The following NFKBIA variants were observed in gnomAD, a reference collection of about 807,000 sequenced individuals.
The protein encoded by NFKBIA is NFKB inhibitor alpha, also known as NF-kappa-B inhibitor alpha.
Under a neutral mutation model 36.3 loss-of-function variants are expected in NFKBIA, and 10 were observed. The ratio of observed to expected loss-of-function variants is 0.28; its 90% CI spans 0.17 to 0.47. The LOEUF is 0.47. Among genes scored for constraint, NFKBIA ranks in the 20% least tolerant of loss-of-function variants. The pLI is 0.99. For missense variants in NFKBIA, 355 were observed against 399.3 expected (o/e 0.89, Z 0.94); for synonymous variants, 205 against 164.4 (o/e 1.25, Z -1.89).
In NFKBIA at chr14:35,403,664, G is replaced by A. The variant is rs766136228; in HGVS notation, c.336+26C>T. ...ATCAGCTACGTCCCAGGGTCAGAGAGAACCCGGGCCAGGCAAGCGGCGCAC... is the reference window on the plus strand; with the variant it reads ...ATCAGCTACGTCCCAGGGTCAGAGAAAACCCGGGCCAGGCAAGCGGCGCAC... On this transcript the variant is annotated intron_variant, in intron 2 of 5. Coordinates refer to ENST00000216797, the MANE Select transcript of NFKBIA (RefSeq NM_020529.3). 3.2e-6 allele frequency: 5 copies of A among 1,552,016 alleles called. No individual in the cohort carries two copies. The East Asian group carries it at 1.1e-4, about 35-fold the overall frequency.
Position 35,402,516 on chromosome 14 carries a change from T to C in NFKBIA, c.784A>G (p.Ser262Gly), listed in dbSNP as rs2138830573. 6.2e-7 allele frequency: 1 copy of C among 1,614,214 alleles called. No individual in the cohort carries two copies. The highest frequency in any genetic ancestry group is 1.1e-5 in the South Asian group (1 of 91,086). Reference protein sequence around the residue: ...SPYQLTWGRPSTRIQQQLGQL... With the variant: ...SPYQLTWGRPGTRIQQQLGQL... ...CCCAGCTGCTGCTGTATCCGGGTGCTTGGGCGGCCCCAGGTGAGCTGGTAG... is the reference window on the plus strand; with the variant it reads ...CCCAGCTGCTGCTGTATCCGGGTGCCTGGGCGGCCCCAGGTGAGCTGGTAG... The change falls in exon 5 of 6, where the codon AGC (serine) becomes GGC (glycine). Residue 262 changes from serine to glycine, a missense_variant. By Grantham distance (56) the Ser-to-Gly change is moderately conservative. Coordinates refer to ENST00000216797, the MANE Select transcript of NFKBIA (RefSeq NM_020529.3).
chr14:35,402,417 ACT>A lies in NFKBIA; in HGVS notation c.881_882del (p.Glu294ValfsTer12). 6.2e-7 allele frequency: 1 copy of A among 1,614,050 alleles called. No individual in the cohort carries two copies. Among genetic ancestry groups the A allele is most frequent in the Non-Finnish European group, 8.5e-7 (1 of 1,179,996 alleles). On this transcript the variant is annotated frameshift_variant, in exon 5 of 6. Coordinates refer to ENST00000216797, the MANE Select transcript of NFKBIA (RefSeq NM_020529.3). LOFTEE classifies it high-confidence loss of function. ...EDEESYDTESEFTEFTEDELP... is the reference protein window; with the variant it reads ...EDEESYDTESXFTEFTEDELP... Reference sequence around the variant, plus strand: ...ACCTCGTCCTCTGTGAACTCCGTGAACTCTGACTCTGTGTCATAGCTCTCCTC... The same window carrying A: ...ACCTCGTCCTCTGTGAACTCCGTGAACTGACTCTGTGTCATAGCTCTCCTC...
At position 35,402,592 on chromosome 14, in the gene NFKBIA, C is replaced by A. The variant is rs1566590031; in HGVS notation, c.708G>T (p.Leu236=). The change falls in exon 5 of 6, where the codon CTG becomes CTT. Residue 236 remains leucine (L), a synonymous_variant. Transcript: ENST00000216797. ...TGTTGACATCAGCCCCACACTTCAA[C>A]AGGAGTGACACCAGGTCAGGATTTT... The part of the protein sequence containing the change: ...DLQNPDLVSL[L]LKCGADVNRV... 3 of 1,614,254 alleles carry A rather than the reference C, an allele frequency of 1.9e-6. No individual in the cohort carries two copies. The highest frequency in any genetic ancestry group is 3.3e-4 in the Middle Eastern group (2 of 6,062).
chr14:35,402,073 G>C lies in NFKBIA; in HGVS notation c.907-13C>G, dbSNP rs1378258581. ...CATCATAGGGCAGCTGAAAACAAGG[G>C]GAAAAAAGACACGTTAAGCTTCCGG... On this transcript the variant is annotated splice_polypyrimidine_tract_variant and intron_variant, in intron 5 of 5. Coordinates refer to ENST00000216797, the MANE Select transcript of NFKBIA (RefSeq NM_020529.3). 6.2e-7 allele frequency: 1 copy of C among 1,613,932 alleles called. No homozygotes were observed. Among genetic ancestry groups the C allele is most frequent in the Non-Finnish European group, 8.5e-7 (1 of 1,179,990 alleles).
At chr14:35,403,129 A>G in intron 3 of NFKBIA, 21 bp downstream of exon 3, 1 of 1,605,026 alleles carries the variant, frequency 6.2e-7, no homozygotes. Flanking sequence ...GGGGTGGGGC[A>G]GGGCAGGGAG....
Position 35,403,330 on chromosome 14 carries a change from G to C in NFKBIA, c.367C>G (p.Gln123Glu). 6.2e-7 allele frequency: 1 copy of C among 1,614,078 alleles called. No homozygotes were observed. The highest frequency in any genetic ancestry group is 1.7e-5 in the Admixed American group (1 of 60,026). Residue 123 changes from glutamine to glutamate, a missense_variant, in exon 3 of 6, where the codon CAG becomes GAG. By Grantham distance (29) the Gln-to-Glu change is conservative. Coordinates refer to ENST00000216797, the MANE Select transcript of NFKBIA (RefSeq NM_020529.3). ...TPLHLAVITN[Q>E]PEIAEALLGA... is the part of the protein sequence containing the mutation. ...AGAAGTGCCTCAGCAATTTCTGGCT[G>C]GTTGGTGATCACAGCCAAGTGGAGT...
chr14:35,403,479 G>T, intron 2 of NFKBIA, 119 bp from the exon 3 acceptor site: 1 of 1,143,458 alleles, frequency 8.7e-7, no homozygotes, highest in Non-Finnish European at 1.3e-6. Context: ...GGTGGGGAGG[G>T]CTGGCAAATA....
At chr14:35,402,354 A>C (rs765954297) in intron 5 of NFKBIA, 40 bp downstream of exon 5, 17 of 1,612,468 alleles carry the variant, frequency 1.1e-5, no homozygotes, top group Non-Finnish European at 1.4e-5. Context: ...AGGGAATGGC[A>C]CCTCATTAGT....
At chr14:35,403,888 C>A in intron 1 of NFKBIA, 90 bp from the exon 2 acceptor site, 1 of 971,966 alleles carries the variant, frequency 1.0e-6, no homozygotes, top group South Asian at 1.4e-5. Flanking sequence ...TGCGCAAGGC[C>A]GGGGTTTCTG....
rs764058016 is a variant in NFKBIA at position 35,404,423 on chromosome 14, C to T, written c.222G>A (p.Gly74=). Residue 74 remains glycine (G), a synonymous_variant, in exon 1 of 6, where the codon GGG becomes GGA. Coordinates refer to ENST00000216797, the MANE Select transcript of NFKBIA (RefSeq NM_020529.3). Reference sequence around the variant, plus strand: ...CCCGGGCCTCCGCCACTTACGAGTCCCCGTCCTCGGTGAGCTGCTGCTTCC... The same window carrying T: ...CCCGGGCCTCCGCCACTTACGAGTCTCCGTCCTCGGTGAGCTGCTGCTTCC... The part of the protein sequence containing the change: ...EPWKQQLTED[G]DSFLHLAIIH... 1.9e-6 allele frequency: 3 copies of T among 1,583,158 alleles called. No homozygotes were observed. The highest frequency in any genetic ancestry group is 1.1e-5 in the South Asian group (1 of 87,978).
chr14:35,403,600 G>C, intron 2 of NFKBIA, 90 bp downstream of exon 2: 1 of 942,624 alleles, frequency 1.1e-6, no homozygotes, highest in South Asian at 1.4e-5. Flanking sequence ...AGTGCTCAGT[G>C]GCCCTGAATT....
At position 35,403,220 on chromosome 14, in the gene NFKBIA, G is replaced by A. The variant is rs199877737; in HGVS notation, c.477C>T (p.Ser159=). 3.1e-6 allele frequency: 5 copies of A among 1,612,738 alleles called. No homozygotes were observed. The highest frequency in any genetic ancestry group is 4.1e-4 in the Middle Eastern group (2 of 4,936). Residue 159 remains serine (S), a synonymous_variant, in exon 3 of 6, where the codon AGC becomes AGT. Coordinates refer to ENST00000216797, the MANE Select transcript of NFKBIA (RefSeq NM_020529.3). Reference sequence around the variant, plus strand: ...TGCAGGACTGAGTCAGGACTCCCACGCTGGCCAGGCAGCCCTGCTCACAGG... The same window carrying A: ...TGCAGGACTGAGTCAGGACTCCCACACTGGCCAGGCAGCCCTGCTCACAGG... The part of the protein sequence containing the change: ...HLACEQGCLA[S]VGVLTQSCTT...
intron 1 of NFKBIA, 53 bp downstream of exon 1, chr14:35,404,365 C>T: frequency 2.5e-6 from 3 of 1,204,480 alleles, no homozygotes; most frequent in Non-Finnish European, 3.4e-6. Context: ...ACCCCCAGGC[C>T]GCGCGCGTCC....
In NFKBIA at chr14:35,403,686, G is replaced by A. The variant is rs371012003; in HGVS notation, c.336+4C>T. ...AGAGAACCCGGGCCAGGCAAGCGGC[G>A]CACCTGCTGCAGGTTGTTCTGGAAG... On this transcript the variant is annotated splice_donor_region_variant and intron_variant, in intron 2 of 5. Coordinates refer to ENST00000216797, the MANE Select transcript of NFKBIA (RefSeq NM_020529.3). 3.7e-6 allele frequency: 6 copies of A among 1,606,290 alleles called. No homozygotes were observed. Among genetic ancestry groups the A allele is most frequent in the Non-Finnish European group, 4.3e-6 (5 of 1,173,566 alleles).
chr14:35,401,960 A>G lies in NFKBIA; in HGVS notation c.*53T>C. On this transcript the variant is annotated 3_prime_UTR_variant, in exon 6 of 6. Coordinates refer to ENST00000216797, the MANE Select transcript of NFKBIA (RefSeq NM_020529.3). ...CTTTTTTCTTTTTTTAGAAAAATAA[A>G]ACTTTTTTTTTGTACAAATATACAA... 1.2e-6 allele frequency: 2 copies of G among 1,600,298 alleles called. No individual in the cohort carries two copies. The highest frequency in any genetic ancestry group is 1.1e-5 in the South Asian group (1 of 89,828).
At chr14:35,403,986 C>A (rs1205275845) in intron 1 of NFKBIA, 188 bp from the exon 2 acceptor site, 2 of 612,620 alleles carry the variant, frequency 3.3e-6, no homozygotes, top group African/African-American at 1.8e-5. Context: ...CCCCTCCCCC[C>A]GCGGCCCCGG....
Position 35,404,569 on chromosome 14 carries a change from G to A in NFKBIA, c.76C>T (p.Leu26=). ...PRDGLKKERL[L]DDRHDSGLDS... is the part of the protein sequence containing the mutation. ...AGGCCGCTGTCGTGGCGGTCGTCCA[G>A]TAGCCGCTCCTTCTTCAGCCCGTCG... Residue 26 remains leucine, a synonymous_variant, in exon 1 of 6, where the codon CTG becomes TTG. Coordinates refer to ENST00000216797, the MANE Select transcript of NFKBIA (RefSeq NM_020529.3). 6.3e-7 allele frequency: 1 copy of A among 1,592,774 alleles called. No homozygotes were observed. Among genetic ancestry groups the A allele is most frequent in the Non-Finnish European group, 8.5e-7 (1 of 1,171,340 alleles).
intron 1 of NFKBIA, 49 bp downstream of exon 1, chr14:35,404,369 C>T (rs770269793): frequency 3.3e-4 from 407 of 1,218,274 alleles, no homozygotes; most frequent in Non-Finnish European, 4.1e-4. Flanking sequence ...CCAGGCCGCG[C>T]GCGTCCCGCC....
intron 2 of NFKBIA, 138 bp from the exon 3 acceptor site, chr14:35,403,498 TC>T: frequency 1.0e-6 from 1 of 984,528 alleles, no homozygotes; most frequent in Non-Finnish European, 1.6e-6. Flanking sequence ...TAGCAGAGGC[TC>T]CAGGTGGGTC....
Sources: gnomAD v4.1 joint callset for allele counts on GRCh38, gnomAD v4.1.1 for gene constraint, MANE v1.5 for transcripts, NCBI Gene and HGNC (gene_info 2026-07-23, HGNC 2026-07-21) for gene names.